CHN2: variants seen among roughly 807,000 people sequenced by gnomAD.
The protein encoded by CHN2 is beta-chimaerin.
Under a neutral mutation model 56.3 loss-of-function variants are expected in CHN2, and 35 were observed. The observed-to-expected ratio is 0.62, with a 90% CI of 0.47 to 0.82. The LOEUF is 0.82. Among genes scored for constraint, CHN2 ranks in the 40% least tolerant of loss-of-function variants. The pLI is 0.00. For synonymous variants in CHN2, 210 were observed against 212.8 expected, an observed-to-expected ratio of 0.99 and a Z score of 0.12; for missense variants, 491 against 580.5, an observed-to-expected ratio of 0.85 and a Z score of 1.58.
At chr7:29,318,682 G>A (rs2128892545) in intron 1 of CHN2, among the ~76,000 whole-genome samples, 1 of 151,992 alleles carries the variant, frequency 6.6e-6, no homozygotes, top group South Asian at 2.1e-4. Context: ...CTTGGCATTT[G>A]CAAATTGATT....
At chr7:29,504,260 T>C (rs1162588582) in intron 9 of CHN2, among the ~76,000 whole-genome samples, 2 of 152,174 alleles carry the variant, frequency 1.3e-5, no homozygotes, top group Non-Finnish European at 2.9e-5. Context: ...TGATGCTAGG[T>C]ACCCCATTTG....
intron 1 of CHN2, among the ~76,000 whole-genome samples, chr7:29,240,813 TTCTTCG>T (rs1338709468): frequency 7.7e-6 from 1 of 129,282 alleles, no homozygotes; most frequent in Non-Finnish European, 1.7e-5. Flanking sequence ...CTTCTTCTTC[TTCTTCG>T]TCGTCGTCGT....
intron 1 of CHN2, among the ~76,000 whole-genome samples, chr7:29,327,515 A>G (rs183577580): frequency 2.9e-3 from 439 of 152,296 alleles, no homozygotes; most frequent in Admixed American, 4.8e-3. Context: ...TCCATTTTTA[A>G]GATAAGCCTA....
chr7:29,413,678 G>A (rs12540625), intron 6 of CHN2, among the ~76,000 whole-genome samples: 16,902 of 152,168 alleles, frequency 0.11, 1,197 homozygotes, highest in African/African-American at 0.18. Context: ...GCCCAGGGTC[G>A]TAGAACTTGT....
intron 1 of CHN2, chr7:29,212,709 A>G: frequency 1.3e-6 from 2 of 1,592,156 alleles, no homozygotes; most frequent in Non-Finnish European, 1.7e-6. Context: ...CTCAGCTACA[A>G]ACAGGTGAAG....
At chr7:29,341,189 C>G (rs183672437) in intron 1 of CHN2, among the ~76,000 whole-genome samples, 1 of 152,276 alleles carries the variant, frequency 6.6e-6, no homozygotes, top group African/African-American at 2.4e-5. Context: ...TTGTTCTCAT[C>G]CTTCCCCTCT....
intron 2 of CHN2, among the ~76,000 whole-genome samples, chr7:29,360,247 T>G (rs978255743): frequency 2.6e-5 from 4 of 152,146 alleles, no homozygotes; most frequent in African/African-American, 9.7e-5. Flanking sequence ...TCTGGCCGGG[T>G]GCAGTGGCTC....
chr7:29,175,152 A>C (rs1022411333), intron 2 of CHN2, among the ~76,000 whole-genome samples: 6 of 151,026 alleles, frequency 4.0e-5, no homozygotes, highest in Non-Finnish European at 8.8e-5. Context: ...AAGTCTCATG[A>C]GATGTGATGA....
intron 6 of CHN2, among the ~76,000 whole-genome samples, chr7:29,434,283 C>A (rs1034732437): frequency 6.6e-6 from 1 of 152,208 alleles, no homozygotes; most frequent in African/African-American, 2.4e-5. Context: ...TGTAACCCAC[C>A]ATGTTCTCTG....
chr7:29,374,141 GTC>G (rs1370072558), intron 3 of CHN2, among the ~76,000 whole-genome samples: 7 of 152,008 alleles, frequency 4.6e-5, no homozygotes, highest in Non-Finnish European at 1.0e-4. Flanking sequence ...TTCTCTGCTT[GTC>G]TCTTTTTTTC....
intron 6 of CHN2, among the ~76,000 whole-genome samples, chr7:29,433,710 A>G (rs1331566849): frequency 6.6e-6 from 1 of 152,084 alleles, no homozygotes; most frequent in Non-Finnish European, 1.5e-5. Flanking sequence ...GTGGTGGCAC[A>G]TGCCTGTAAT....
intron 1 of CHN2, among the ~76,000 whole-genome samples, chr7:29,224,805 CTTAT>C (rs1321533778): frequency 6.6e-6 from 1 of 152,118 alleles, no homozygotes; most frequent in Non-Finnish European, 1.5e-5. Context: ...ACAAGATAAT[CTTAT>C]TTGTTATATG....
chr7:29,494,966 A>AAC (rs1789102213), intron 7 of CHN2, among the ~76,000 whole-genome samples: 1 of 150,220 alleles, frequency 6.7e-6, no homozygotes, highest in South Asian at 2.1e-4. Context: ...AAAAAAAAAA[A>AAC]AAAAAAAAAA....
At chr7:29,299,225 G>C (rs952322810) in intron 1 of CHN2, among the ~76,000 whole-genome samples, 3 of 152,120 alleles carry the variant, frequency 2.0e-5, no homozygotes, top group Non-Finnish European at 2.9e-5. Flanking sequence ...TTTCTCCGGG[G>C]ACCCCTTTCT....
At chr7:29,388,029 T>C (rs1201002910) in intron 3 of CHN2, among the ~76,000 whole-genome samples, 1 of 152,200 alleles carries the variant, frequency 6.6e-6, no homozygotes, top group East Asian at 1.9e-4. Flanking sequence ...TGTCAGGTAA[T>C]TATTTAGGAG....
At chr7:29,216,964 G>A (rs919037296) in intron 1 of CHN2, among the ~76,000 whole-genome samples, 1 of 152,140 alleles carries the variant, frequency 6.6e-6, no homozygotes, top group Non-Finnish European at 1.5e-5. Flanking sequence ...CTTTTGATCT[G>A]CTCTTTCTCC....
chr7:29,211,685 T>C (rs1233909727), intron 1 of CHN2, among the ~76,000 whole-genome samples: 1 of 152,194 alleles, frequency 6.6e-6, no homozygotes, highest in Non-Finnish European at 1.5e-5. Context: ...TCCAAAGATG[T>C]AGCAGATTCA....
chr7:29,469,721 C>A (rs1202739752), intron 6 of CHN2, among the ~76,000 whole-genome samples: 1 of 152,210 alleles, frequency 6.6e-6, no homozygotes, highest in Non-Finnish European at 1.5e-5. Flanking sequence ...CCTCTCACTT[C>A]CTATCCTTGT....
intron 1 of CHN2, among the ~76,000 whole-genome samples, chr7:29,316,160 C>T (rs1456112569): frequency 6.6e-6 from 1 of 152,172 alleles, no homozygotes; most frequent in Non-Finnish European, 1.5e-5. Context: ...ATTCATGTTT[C>T]TTTGATGATC....
Sources: gnomAD v4.1 joint callset for allele counts (sites outside exome capture counted in the v4.1 genomes callset) on GRCh38, gnomAD v4.1.1 for gene constraint, MANE v1.5 for transcripts, NCBI Gene and HGNC (gene_info 2026-07-23, HGNC 2026-07-21) for gene names.